SRSF7: variants seen among roughly 807,000 people sequenced by gnomAD.
SRSF7 encodes serine/arginine-rich splicing factor 7.
A neutral mutation model predicts 42.2 loss-of-function variants in SRSF7; 15 were observed. The observed-to-expected ratio is 0.36, with a 90% confidence interval of 0.24 to 0.55. SRSF7 has a LOEUF of 0.55. Ranked by LOEUF, SRSF7 falls within the 20% of genes least tolerant of loss-of-function variation. The pLI is 0.88. For synonymous variants in SRSF7, 138 were observed against 107.9 expected (o/e 1.28, Z -1.73); for missense variants, 181 against 305.9 (o/e 0.59, Z 3.04).
At chr2:38,750,960 G>T (rs1179795972) in intron 1 of SRSF7, 1 of 412,568 alleles carries the variant, frequency 2.4e-6, no homozygotes, top group East Asian at 4.5e-5. Flanking sequence ...CTCCGAGAAA[G>T]GCAACGCGAA....
At position 38,744,136 on chromosome 2, in the gene SRSF7, A is replaced by AT; in HGVS notation, c.*996dup. 1.3e-5 allele frequency: 2 copies of AT among 152,600 alleles called. No homozygotes were observed. The highest frequency in any genetic ancestry group is 2.4e-5 in the African/African-American group (1 of 41,462). The allele number at this position is 152,600 out of a possible 1,614,324, so 9.5% of individuals were successfully genotyped here. ...CACTTTAGTCTCATTGACATTTCTG[A>AT]TTGACATCTTTAATTACTTTGCACC... is the stretch of plus-strand genomic sequence containing the variant. On this transcript the variant is annotated 3_prime_UTR_variant, in exon 8 of 8. Coordinates refer to ENST00000313117, the MANE Select transcript of SRSF7 (RefSeq NM_001031684.3).
intron 1 of SRSF7, chr2:38,751,014 A>C (rs1668261058): frequency 1.7e-6 from 1 of 577,488 alleles, no homozygotes; most frequent in South Asian, 2.0e-5. Flanking sequence ...GGGCCACAAA[A>C]ATGCCCAAGA....
At chr2:38,750,865 T>A (rs1453812384) in intron 1 of SRSF7, 7 of 296,262 alleles carry the variant, frequency 2.4e-5, no homozygotes, top group Non-Finnish European at 6.7e-6. Flanking sequence ...GGGAAAGCGC[T>A]GAGGAAATGC....
intron 5 of SRSF7, among the ~76,000 whole-genome samples, chr2:38,747,639 A>G (rs1251835699): frequency 6.6e-6 from 1 of 151,886 alleles, no homozygotes; most frequent in Non-Finnish European, 1.5e-5. Context: ...TCTCAAATCA[A>G]CCCCATCATT....
Position 38,746,139 on chromosome 2 carries a change from C to T in SRSF7, c.662+5G>A, listed in dbSNP as rs1265012819. ...CAAGATTTGGCAACAAAACATTTAGCTTACCTTCTTTTTGGAGATGGAGAT... is the reference window on the plus strand; with the variant it reads ...CAAGATTTGGCAACAAAACATTTAGTTTACCTTCTTTTTGGAGATGGAGAT... On this transcript the variant is annotated splice_donor_5th_base_variant and intron_variant, in intron 7 of 7. Coordinates refer to ENST00000313117, the MANE Select transcript of SRSF7 (RefSeq NM_001031684.3). The T allele has an allele frequency of 6.2e-7, 1 of 1,614,118 alleles. No individual in the cohort carries two copies. Among genetic ancestry groups the T allele is most frequent in the Admixed American group, 1.7e-5 (1 of 60,014 alleles).
Position 38,745,083 on chromosome 2 carries a change from A to G in SRSF7, c.*50T>C. 6 of 1,584,580 alleles carry G rather than the reference A, an allele frequency of 3.8e-6. No individual in the cohort carries two copies. Among genetic ancestry groups the G allele is most frequent in the East Asian group, 2.2e-5 (1 of 44,668 alleles). Reference sequence around the variant, plus strand: ...ACTTTACAGACATCACAAATCCCTTATAATAATGTAAACAAAATAACTTTT... The same window carrying G: ...ACTTTACAGACATCACAAATCCCTTGTAATAATGTAAACAAAATAACTTTT... On this transcript the variant is annotated 3_prime_UTR_variant, in exon 8 of 8. Coordinates refer to ENST00000313117, the MANE Select transcript of SRSF7 (RefSeq NM_001031684.3).
At chr2:38,746,938 C>T (rs1278318109) in intron 5 of SRSF7, 191 bp from the exon 6 acceptor site, 4 of 917,116 alleles carry the variant, frequency 4.4e-6, no homozygotes, top group Non-Finnish European at 6.6e-6. Flanking sequence ...ATTTCAATTA[C>T]TTGTTTCTAT....
chr2:38,746,249 C>T (rs1667395006), intron 6 of SRSF7, 70 bp from the exon 7 acceptor site: 16 of 1,520,574 alleles, frequency 1.1e-5, no homozygotes, highest in Non-Finnish European at 1.2e-5. Flanking sequence ...TCACCAATAC[C>T]GTAAAACCCC....
chr2:38,746,999 A>C lies in SRSF7; in HGVS notation c.573-252T>G, dbSNP rs1333149869. The C allele has an allele frequency of 6.1e-6, 4 of 660,106 alleles. No homozygotes were observed. The African/African-American group carries it at 7.2e-5, about 12-fold the overall frequency. The allele number at this position is 660,106 out of a possible 1,614,324, so 40.9% of individuals were successfully genotyped here. The stretch of plus-strand genomic sequence containing the variant: ...GGTATAACATTCTCAAACACTGTGT[A>C]ATATCCAAGGGAAATACATGGTTTT... On this transcript the variant is annotated intron_variant, in intron 5 of 7. Transcript: ENST00000313117.
Position 38,746,945 on chromosome 2 carries a change from C to G in SRSF7, c.573-198G>C, listed in dbSNP as rs544759963. On this transcript the variant is annotated intron_variant, in intron 5 of 7. Transcript: ENST00000313117. ...GAACCCCCATTTCAATTACTTGTTT[C>G]TATCACTCAATTGGTTAGTTTCTGT... 7 of 855,918 alleles carry G rather than the reference C, an allele frequency of 8.2e-6. No homozygotes were observed. In the East Asian group the frequency reaches 1.1e-4, roughly 13 times the overall value. 53.0% of individuals were successfully genotyped at this position (855,918 alleles called of 1,614,324 possible).
intron 2 of SRSF7, 66 bp from the exon 3 acceptor site, chr2:38,749,771 G>T: frequency 7.0e-7 from 1 of 1,437,018 alleles, no homozygotes; most frequent in South Asian, 1.5e-5. Context: ...GATTTAAAAA[G>T]AACTCTTTCC....
At chr2:38,748,306 G>A (rs952212802) in intron 4 of SRSF7, 149 bp from the exon 5 acceptor site, 3 of 684,292 alleles carry the variant, frequency 4.4e-6, no homozygotes, top group African/African-American at 1.8e-5. Flanking sequence ...GACCAGCCTG[G>A]GAAACAGTGC....
intron 3 of SRSF7, 77 bp downstream of exon 3, chr2:38,749,452 C>T (rs1667954720): frequency 6.5e-7 from 1 of 1,549,350 alleles, no homozygotes; most frequent in Non-Finnish European, 8.7e-7. Context: ...TATAGAAAAA[C>T]ACTAGTTTCT....
intron 7 of SRSF7, among the ~76,000 whole-genome samples, chr2:38,745,574 G>T (rs1270362070): frequency 6.6e-6 from 1 of 151,934 alleles, no homozygotes; most frequent in Non-Finnish European, 1.5e-5. Flanking sequence ...ATAATTGCTT[G>T]AACCCGGGAA....
chr2:38,745,033 G>A lies in SRSF7; in HGVS notation c.*100C>T. 4.2e-6 allele frequency: 5 copies of A among 1,189,414 alleles called. No homozygotes were observed. The highest frequency in any genetic ancestry group is 4.8e-6 in the Non-Finnish European group (4 of 827,878). The allele number at this position is 1,189,414 out of a possible 1,614,324, so 73.7% of individuals were successfully genotyped here. A position where few individuals can be genotyped will look rare whatever the true frequency, so the allele number is the denominator to read the frequency against. On this transcript the variant is annotated 3_prime_UTR_variant, in exon 8 of 8. Coordinates refer to ENST00000313117, the MANE Select transcript of SRSF7 (RefSeq NM_001031684.3). Reference sequence around the variant, plus strand: ...TAATCCAGATCCATTTTGATTAGATGGTTGAATTATCTTTCCTAGGTTACA... The same window carrying A: ...TAATCCAGATCCATTTTGATTAGATAGTTGAATTATCTTTCCTAGGTTACA...
intron 5 of SRSF7, 187 bp from the exon 6 acceptor site, chr2:38,746,934 A>G: frequency 1.0e-6 from 1 of 956,702 alleles, no homozygotes; most frequent in Non-Finnish European, 1.6e-6. Context: ...CCCCATTTCA[A>G]TTACTTGTTT....
chr2:38,751,295 G>A lies in SRSF7; in HGVS notation c.-39C>T. On this transcript the variant is annotated 5_prime_UTR_variant, in exon 1 of 8. Transcript: ENST00000313117. The stretch of plus-strand genomic sequence containing the variant: ...CGTGCTCGGCTCTTTAGCAAGCAGC[G>A]CCCAGGGCTCGAGTGACGCAAAAGC... The A allele has an allele frequency of 1.7e-5, 27 of 1,613,764 alleles. No homozygotes were observed. Among genetic ancestry groups the A allele is most frequent in the Non-Finnish European group, 1.9e-5 (23 of 1,179,926 alleles).
intron 6 of SRSF7, 29 bp from the exon 7 acceptor site, chr2:38,746,208 G>A (rs199741275): frequency 1.2e-6 from 2 of 1,612,996 alleles, no homozygotes; most frequent in Non-Finnish European, 1.7e-6. Context: ...TTCTATTAAA[G>A]AAAGAGTACT....
chr2:38,744,074 A>T lies in SRSF7; in HGVS notation c.*1059T>A. 1 of 152,410 alleles carries T rather than the reference A, an allele frequency of 6.6e-6. No individual in the cohort carries two copies. The highest frequency in any genetic ancestry group is 1.5e-5 in the Non-Finnish European group (1 of 68,036). 9.4% of individuals were successfully genotyped at this position (152,410 alleles called of 1,614,324 possible). A position where few individuals can be genotyped will look rare whatever the true frequency, so the allele number is the denominator to read the frequency against. On this transcript the variant is annotated 3_prime_UTR_variant, in exon 8 of 8. Transcript: ENST00000313117. ...GATGCTACCAAAAAATATTAGCTAC[A>T]TGGAGTGTTGCTAAATATAGCTGAG... is the stretch of plus-strand genomic sequence containing the variant.
Sources: allele counts gnomAD v4.1 joint callset (sites outside exome capture counted in the v4.1 genomes callset), GRCh38; gene constraint gnomAD v4.1.1; transcripts MANE v1.5; gene names NCBI Gene and HGNC (gene_info 2026-07-23, HGNC 2026-07-21).